XNDC1N: variants seen among roughly 807,000 people sequenced by gnomAD.
XNDC1N encodes the protein protein XNDC1N.
the XNDC1N span, chr11:71,915,935 A>G: frequency 1.7e-6 from 1 of 593,382 alleles, no homozygotes; most frequent in Admixed American, 2.9e-5. Context: ...AAAGGGTATC[A>G]AGCCCGTTGA....
chr11:71,910,671 C>T, the XNDC1N span, among the ~76,000 whole-genome samples: 6 of 152,150 alleles, frequency 3.9e-5, no homozygotes, highest in African/African-American at 1.4e-4. Flanking sequence ...ACAGCAGGTA[C>T]GTTACCTGGG....
chr11:71,865,749 TG>T, the XNDC1N span: 1 of 398,862 alleles, frequency 2.5e-6, no homozygotes, highest in South Asian at 1.9e-5. Context: ...TCTCCAGCAC[TG>T]TCAACATTTT....
At chr11:71,916,146 C>T in the XNDC1N span, 1 of 703,008 alleles carries the variant, frequency 1.4e-6, no homozygotes, top group Non-Finnish European at 2.6e-6. Context: ...GAGAAGAACA[C>T]ACCCGTAGAA....
At chr11:71,899,121 T>C in the XNDC1N span, among the ~76,000 whole-genome samples, 1 of 152,178 alleles carries the variant, frequency 6.6e-6, no homozygotes, top group East Asian at 1.9e-4. Flanking sequence ...CTTGGGTGAC[T>C]TTGGCTAAGA....
chr11:71,879,697 C>A, the XNDC1N span, among the ~76,000 whole-genome samples: 1 of 151,820 alleles, frequency 6.6e-6, no homozygotes, highest in African/African-American at 2.4e-5. Context: ...AATTGTGCAC[C>A]CCTCACCATT....
chr11:71,916,453 T>C, the XNDC1N span: 1 of 563,356 alleles, frequency 1.8e-6, no homozygotes, highest in African/African-American at 1.9e-5. Flanking sequence ...GGCCTTCTCA[T>C]ATTCAGTCTC....
the XNDC1N span, among the ~76,000 whole-genome samples, chr11:71,892,233 A>T: frequency 5.9e-5 from 9 of 152,106 alleles, 1 homozygote; most frequent in African/African-American, 2.2e-4. Flanking sequence ...TAGGAGTAAT[A>T]TCTACCTAGT....
At chr11:71,926,365 C>T in the XNDC1N span, among the ~76,000 whole-genome samples, 1 of 152,190 alleles carries the variant, frequency 6.6e-6, no homozygotes, top group East Asian at 1.9e-4. Context: ...TCTTTGAGAA[C>T]TCCTTCCCTT....
the XNDC1N span, among the ~76,000 whole-genome samples, chr11:71,879,739 G>A: frequency 2.0e-5 from 3 of 152,076 alleles, no homozygotes; most frequent in East Asian, 3.8e-4. Context: ...ATCAGCGCAA[G>A]AAGAAATCTC....
chr11:71,893,712 G>C, the XNDC1N span: 44 of 1,310,508 alleles, frequency 3.4e-5, 1 homozygote, highest in East Asian at 1.2e-3. Context: ...TTCCCAATAT[G>C]ATTGTGGACA....
chr11:71,924,400 C>G, the XNDC1N span, among the ~76,000 whole-genome samples: 1 of 151,922 alleles, frequency 6.6e-6, no homozygotes, highest in Non-Finnish European at 1.5e-5. Flanking sequence ...AGTTCTGGAC[C>G]GGGCGCGGTG....
chr11:71,905,060 T>A, the XNDC1N span, among the ~76,000 whole-genome samples: 1 of 152,122 alleles, frequency 6.6e-6, no homozygotes, highest in East Asian at 1.9e-4. Context: ...ACCAATAATA[T>A]CACAGGTTGT....
At chr11:71,911,939 T>C in the XNDC1N span, among the ~76,000 whole-genome samples, 1 of 152,148 alleles carries the variant, frequency 6.6e-6, no homozygotes, top group Non-Finnish European at 1.5e-5. Flanking sequence ...GAAAAGGACT[T>C]TCTGCAGGTA....
chr11:71,886,980 C>T, the XNDC1N span, among the ~76,000 whole-genome samples: 11 of 152,276 alleles, frequency 7.2e-5, no homozygotes, highest in South Asian at 2.1e-3. Context: ...AGTGGAAGAA[C>T]AAATGCCCTC....
At chr11:71,887,355 G>A in the XNDC1N span, among the ~76,000 whole-genome samples, 1 of 152,186 alleles carries the variant, frequency 6.6e-6, no homozygotes, top group Non-Finnish European at 1.5e-5. Context: ...TTTCGGGAAG[G>A]GACTTGCTCA....
chr11:71,923,184 A>G, the XNDC1N span: 1 of 672,850 alleles, frequency 1.5e-6, no homozygotes, highest in Admixed American at 2.5e-5. Context: ...TTCTTCTCTT[A>G]GACTCTGAAC....
At chr11:71,912,147 G>T in the XNDC1N span, among the ~76,000 whole-genome samples, 1 of 152,130 alleles carries the variant, frequency 6.6e-6, no homozygotes, top group African/African-American at 2.4e-5. Flanking sequence ...GTGAGGCAGC[G>T]GTGTGTTACC....
chr11:71,868,634 C>A, the XNDC1N span, among the ~76,000 whole-genome samples: 1 of 152,180 alleles, frequency 6.6e-6, no homozygotes, highest in South Asian at 2.1e-4. Flanking sequence ...TATAGAGTTG[C>A]AGCTTAACAG....
the XNDC1N span, among the ~76,000 whole-genome samples, chr11:71,914,085 C>T: frequency 1.8e-4 from 28 of 152,190 alleles, no homozygotes; most frequent in Non-Finnish European, 3.2e-4. Flanking sequence ...TGCCTACGAA[C>T]GTAACATCCA....
Sources: allele counts gnomAD v4.1 joint callset (sites outside exome capture counted in the v4.1 genomes callset), GRCh38; gene constraint gnomAD v4.1.1; transcripts MANE v1.5; gene names NCBI Gene and HGNC (gene_info 2026-07-23, HGNC 2026-07-21).